GRM7: variants seen among roughly 807,000 people sequenced by gnomAD.
GRM7 encodes metabotropic glutamate receptor 7.
Under a neutral mutation model 84.5 loss-of-function variants are expected in GRM7, and 35 were observed. The observed-to-expected ratio is 0.41, with a 90% CI of 0.32 to 0.55. GRM7 has a LOEUF of 0.55. Ranked by LOEUF, GRM7 falls within the 20% of genes least tolerant of loss-of-function variation. GRM7 has a pLI of 0.19. For missense variants in GRM7, 1,003 were observed against 1,194.6 expected, an observed-to-expected ratio of 0.84 and a Z score of 2.36; for synonymous variants, 487 against 455.1, an observed-to-expected ratio of 1.07 and a Z score of -0.89.
chr3:7,208,908 A>G (rs1230175417), intron 2 of GRM7, among the ~76,000 whole-genome samples: 1 of 152,178 alleles, frequency 6.6e-6, no homozygotes, highest in Admixed American at 6.5e-5. Context: ...AGTTGAATGT[A>G]CCTTCCACAA....
chr3:7,314,620 C>G, intron 4 of GRM7, among the ~76,000 whole-genome samples: 1 of 152,112 alleles, frequency 6.6e-6, no homozygotes, highest in East Asian at 1.9e-4. Context: ...GTAATTTCTA[C>G]TCTTTATTGA....
At chr3:6,877,596 G>A (rs951233540) in intron 1 of GRM7, among the ~76,000 whole-genome samples, 1 of 152,022 alleles carries the variant, frequency 6.6e-6, no homozygotes, top group African/African-American at 2.4e-5. Context: ...CCATATCACT[G>A]GCTAAACCAG....
At chr3:7,209,170 T>C (rs1200272067) in intron 2 of GRM7, among the ~76,000 whole-genome samples, 1 of 152,198 alleles carries the variant, frequency 6.6e-6, no homozygotes, top group Non-Finnish European at 1.5e-5. Flanking sequence ...TATTGAATGC[T>C]GTACTGAAAG....
chr3:6,980,429 A>G (rs569809315), intron 1 of GRM7, among the ~76,000 whole-genome samples: 1 of 152,270 alleles, frequency 6.6e-6, no homozygotes, highest in African/African-American at 2.4e-5. Context: ...ACAATTTTTT[A>G]TAATGAATGA....
At chr3:7,467,354 T>C (rs1698502954) in intron 7 of GRM7, among the ~76,000 whole-genome samples, 1 of 152,238 alleles carries the variant, frequency 6.6e-6, no homozygotes, top group Admixed American at 6.5e-5. Flanking sequence ...CCCAAAGTGC[T>C]GGGATTACAG....
intron 9 of GRM7, among the ~76,000 whole-genome samples, chr3:7,732,643 T>A (rs1454523009): frequency 6.6e-6 from 1 of 152,184 alleles, no homozygotes; most frequent in Non-Finnish European, 1.5e-5. Context: ...TGCTTTAGCA[T>A]TAAAGGCTTT....
At chr3:7,660,182 T>C (rs1699377438) in intron 8 of GRM7, among the ~76,000 whole-genome samples, 1 of 152,256 alleles carries the variant, frequency 6.6e-6, no homozygotes, top group Non-Finnish European at 1.5e-5. Flanking sequence ...CTGTAATTTT[T>C]TTAATGGTGA....
chr3:7,081,885 C>T (rs926311086), intron 1 of GRM7, among the ~76,000 whole-genome samples: 1 of 152,038 alleles, frequency 6.6e-6, no homozygotes, highest in Non-Finnish European at 1.5e-5. Context: ...TCCTAATTGT[C>T]TTCAATTCTG....
At chr3:7,506,119 A>G (rs1237609163) in intron 7 of GRM7, among the ~76,000 whole-genome samples, 2 of 152,184 alleles carry the variant, frequency 1.3e-5, no homozygotes, top group Non-Finnish European at 2.9e-5. Context: ...TTGACCAGAT[A>G]TCCTAATTTA....
intron 8 of GRM7, chr3:7,607,627 T>C (rs139391776): frequency 6.6e-6 from 1 of 151,876 alleles, no homozygotes; most frequent in Non-Finnish European, 1.5e-5. Context: ...TAGCCACTGT[T>C]GCACAGAGAA....
chr3:7,624,023 G>A (rs1697490000), intron 8 of GRM7, among the ~76,000 whole-genome samples: 1 of 152,148 alleles, frequency 6.6e-6, no homozygotes, highest in South Asian at 2.1e-4. Context: ...CTGTGGCCTA[G>A]TTTATCAGAC....
chr3:7,183,627 A>T (rs111287753), intron 2 of GRM7, among the ~76,000 whole-genome samples: 2,681 of 152,258 alleles, frequency 0.018, 79 homozygotes, highest in African/African-American at 0.06. Context: ...TCCATCTCAA[A>T]AATAATAATA....
intron 2 of GRM7, among the ~76,000 whole-genome samples, chr3:7,184,478 C>T (rs116216528): frequency 0.018 from 2,716 of 151,678 alleles, 81 homozygotes; most frequent in African/African-American, 0.061. Context: ...TTAATTGTTC[C>T]ACTGCTTAAT....
chr3:7,396,791 C>T (rs1265612627), intron 4 of GRM7, among the ~76,000 whole-genome samples: 1 of 152,112 alleles, frequency 6.6e-6, no homozygotes, highest in African/African-American at 2.4e-5. Flanking sequence ...TTAGGAATAA[C>T]TGTGCTTGGT....
At chr3:6,886,892 C>T (rs1006266967) in intron 1 of GRM7, among the ~76,000 whole-genome samples, 6 of 151,724 alleles carry the variant, frequency 4.0e-5, no homozygotes, top group Admixed American at 3.9e-4. Flanking sequence ...ATATTATCTT[C>T]CAAGTTTTTT....
chr3:7,555,290 A>C (rs1674495462), intron 7 of GRM7, among the ~76,000 whole-genome samples: 1 of 152,130 alleles, frequency 6.6e-6, no homozygotes, highest in South Asian at 2.1e-4. Flanking sequence ...TAGAATTTTA[A>C]AATTTTGAAA....
At chr3:7,201,770 CCT>C (rs35676485) in intron 2 of GRM7, among the ~76,000 whole-genome samples, 14,750 of 152,100 alleles carry the variant, frequency 0.097, 2,167 homozygotes, top group African/African-American at 0.32. Flanking sequence ...GAATTTTCAC[CCT>C]GTCTGATTTG....
chr3:7,551,317 G>C (rs571723637), intron 7 of GRM7, among the ~76,000 whole-genome samples: 1 of 152,106 alleles, frequency 6.6e-6, no homozygotes, highest in Admixed American at 6.6e-5. Flanking sequence ...GGTTTTTCAC[G>C]TGTAAAACAA....
chr3:7,460,125 A>AAAAAAAAAAAAT (rs1250538408), intron 6 of GRM7, among the ~76,000 whole-genome samples: 6 of 150,354 alleles, frequency 4.0e-5, no homozygotes, highest in Non-Finnish European at 8.9e-5. Context: ...AAAAAAAAAA[A>AAAAAAAAAAAAT]AAAAGATGCC....
Sources: gnomAD v4.1 joint callset for allele counts (sites outside exome capture counted in the v4.1 genomes callset) on GRCh38, gnomAD v4.1.1 for gene constraint, MANE v1.5 for transcripts, NCBI Gene and HGNC (gene_info 2026-07-23, HGNC 2026-07-21) for gene names.